The following RGS7BP variants were observed in gnomAD, a reference collection of about 807,000 sequenced individuals.
RGS7BP encodes the protein regulator of G protein signaling 7 binding protein.
In RGS7BP, 9 loss-of-function variants were observed where a neutral mutation model predicts 31.3. The observed-to-expected ratio is 0.29, with a 90% confidence interval of 0.17 to 0.50. The LOEUF is 0.50. Ranked by LOEUF, RGS7BP falls within the 20% of genes least tolerant of loss-of-function variation. The pLI, the probability that RGS7BP is intolerant of heterozygous loss-of-function variation, is 0.98. For synonymous variants in RGS7BP, 115 were observed against 120.1 expected (o/e 0.96, Z 0.28); for missense variants, 274 against 322.0 (o/e 0.85, Z 1.14).
At chr5:64,578,219 C>T (rs1742487246) in intron 3 of RGS7BP, among the ~76,000 whole-genome samples, 2 of 152,228 alleles carry the variant, frequency 1.3e-5, no homozygotes, top group South Asian at 2.1e-4. Context: ...GCTCTGCTTC[C>T]TTCTCTGCCT....
At chr5:64,543,975 G>T (rs1741587536) in intron 2 of RGS7BP, among the ~76,000 whole-genome samples, 1 of 152,192 alleles carries the variant, frequency 6.6e-6, no homozygotes, top group Non-Finnish European at 1.5e-5. Context: ...ACTTTTCAAT[G>T]GTTCCCTTTC....
At chr5:64,571,363 T>G (rs908393092) in intron 2 of RGS7BP, among the ~76,000 whole-genome samples, 21 of 152,198 alleles carry the variant, frequency 1.4e-4, no homozygotes, top group African/African-American at 4.8e-4. Flanking sequence ...GGGGTTAATC[T>G]AAATAAAATA....
intron 2 of RGS7BP, among the ~76,000 whole-genome samples, chr5:64,544,432 T>G (rs192551468): frequency 6.6e-6 from 1 of 151,746 alleles, no homozygotes; most frequent in East Asian, 1.9e-4. Context: ...CCCAGCACAT[T>G]GGGAGGCTGA....
At chr5:64,585,546 C>T (rs1199915895) in intron 3 of RGS7BP, among the ~76,000 whole-genome samples, 1 of 151,996 alleles carries the variant, frequency 6.6e-6, no homozygotes, top group African/African-American at 2.4e-5. Flanking sequence ...TGATAAAGGA[C>T]TCCCAGCCCA....
chr5:64,588,456 G>C (rs1198254052), intron 3 of RGS7BP, among the ~76,000 whole-genome samples: 10 of 152,120 alleles, frequency 6.6e-5, no homozygotes, highest in Admixed American at 5.9e-4. Flanking sequence ...CCTAAGCTCA[G>C]GGTTCTCCCC....
intron 2 of RGS7BP, among the ~76,000 whole-genome samples, chr5:64,527,593 T>G (rs1466299168): frequency 7.8e-6 from 1 of 127,558 alleles, no homozygotes; most frequent in Non-Finnish European, 1.6e-5. Context: ...TATTAAAGCA[T>G]TGCTTATAAC....
At position 64,537,549 on chromosome 5, in the gene RGS7BP, T is replaced by G. The variant is rs183468822; in HGVS notation, c.332+29672T>G. Among the ~76,000 whole-genome samples the G allele has an allele frequency of 2.2e-3, 342 of 152,254 alleles. 3 individuals are homozygous for G. Among genetic ancestry groups the G allele is most frequent in the Non-Finnish European group, 3.9e-3 (262 of 68,002 alleles). On this transcript the variant is annotated intron_variant, in intron 2 of 5. Coordinates refer to ENST00000334025, the MANE Select transcript of RGS7BP (RefSeq NM_001029875.3). ...ACTGTACCTGCTAGGGATGTTCACT[T>G]TGGGCTCTCTAAGCTTTACCTCTCC...
rs77382360 is a variant in RGS7BP, at chr5:64,550,063, T to A, written c.333-25711T>A. ...AAATATGTTCCTCATTTCTGTCTGA[T>A]ACCTTACCAGAATCACCCTTAACCT... On this transcript the variant is annotated intron_variant, in intron 2 of 5. Coordinates refer to ENST00000334025, the MANE Select transcript of RGS7BP (RefSeq NM_001029875.3). 6.2e-3 allele frequency among the ~76,000 whole-genome samples: 949 copies of A among 152,350 alleles called. 9 individuals carry two copies. Among genetic ancestry groups the A allele is most frequent in the African/African-American group, 0.019 (798 of 41,566 alleles).
intron 2 of RGS7BP, among the ~76,000 whole-genome samples, chr5:64,518,273 G>C (rs928435856): frequency 1.8e-4 from 27 of 151,802 alleles, no homozygotes; most frequent in African/African-American, 6.1e-4. Context: ...TTTCTTTCTG[G>C]GAACGTATTC....
chr5:64,590,402 T>C (rs1026110608), intron 3 of RGS7BP, among the ~76,000 whole-genome samples: 2 of 152,088 alleles, frequency 1.3e-5, no homozygotes, highest in Non-Finnish European at 1.5e-5. Context: ...AAAAGTGGTA[T>C]ACAAAGAAAT....
intron 2 of RGS7BP, among the ~76,000 whole-genome samples, chr5:64,545,251 C>CAT (rs898987801): frequency 6.6e-6 from 1 of 150,814 alleles, no homozygotes; most frequent in African/African-American, 2.4e-5. Context: ...ACATCACACA[C>CAT]CGGGGCCTGT....
intron 2 of RGS7BP, among the ~76,000 whole-genome samples, chr5:64,571,577 A>T (rs1286901903): frequency 6.6e-6 from 1 of 152,100 alleles, no homozygotes; most frequent in Non-Finnish European, 1.5e-5. Flanking sequence ...CACCACCAAC[A>T]TTGGGCATTA....
intron 2 of RGS7BP, among the ~76,000 whole-genome samples, chr5:64,529,127 G>T (rs1022095206): frequency 2.6e-5 from 4 of 152,056 alleles, no homozygotes; most frequent in African/African-American, 9.7e-5. Context: ...ATTTTGATTA[G>T]AAAAATGTAC....
At chr5:64,574,669 G>A (rs1396679865) in intron 2 of RGS7BP, among the ~76,000 whole-genome samples, 1 of 152,146 alleles carries the variant, frequency 6.6e-6, no homozygotes, top group African/African-American at 2.4e-5. Context: ...GACTAAATAA[G>A]TATTGAAAAT....
chr5:64,560,192 A>T (rs1742019557), intron 2 of RGS7BP, among the ~76,000 whole-genome samples: 1 of 152,140 alleles, frequency 6.6e-6, no homozygotes, highest in African/African-American at 2.4e-5. Context: ...TTTAAAAACA[A>T]TTTTGTTTTA....
chr5:64,536,938 C>A (rs575659485), intron 2 of RGS7BP, among the ~76,000 whole-genome samples: 1 of 152,274 alleles, frequency 6.6e-6, no homozygotes, highest in Non-Finnish European at 1.5e-5. Flanking sequence ...AAGACTGTGA[C>A]AAATAATCAT....
intron 2 of RGS7BP, among the ~76,000 whole-genome samples, chr5:64,521,310 T>G (rs896106289): frequency 2.6e-5 from 4 of 152,220 alleles, no homozygotes; most frequent in African/African-American, 9.6e-5. Flanking sequence ...CAGTCTGGAA[T>G]GCAGCGCCGT....
At chr5:64,597,267 C>T (rs905875301) in intron 4 of RGS7BP, among the ~76,000 whole-genome samples, 18 of 151,964 alleles carry the variant, frequency 1.2e-4, no homozygotes, top group African/African-American at 4.1e-4. Flanking sequence ...TCCTGCTTTA[C>T]AATTCTGGGG....
At chr5:64,509,476 T>G (rs13155911) in intron 2 of RGS7BP, among the ~76,000 whole-genome samples, 12,395 of 152,232 alleles carry the variant, frequency 0.081, 562 homozygotes, top group Non-Finnish European at 0.096. Context: ...ACACACAAAA[T>G]TCAGGGTCTT....
Sources: allele counts gnomAD v4.1 joint callset (sites outside exome capture counted in the v4.1 genomes callset), GRCh38; gene constraint gnomAD v4.1.1; transcripts MANE v1.5; gene names NCBI Gene and HGNC (gene_info 2026-07-23, HGNC 2026-07-21).